Variants in UBE2B observed in about 807,000 individuals in gnomAD.
UBE2B encodes ubiquitin conjugating enzyme E2 B.
In UBE2B, 11 loss-of-function variants were observed where a neutral mutation model predicts 24.6. The observed-to-expected ratio is 0.45, with a 90% CI of 0.28 to 0.74. The LOEUF (loss-of-function observed/expected upper bound fraction) is 0.74, where lower values mean the gene tolerates loss of function less well. Among genes scored for constraint, UBE2B ranks in the 30% least tolerant of loss-of-function variants. The probability of loss-of-function intolerance (pLI) is 0.13; values close to 1 mark genes in which losing one functional copy is unlikely to be tolerated. For synonymous variants in UBE2B, 68 were observed against 62.4 expected (o/e 1.09, Z -0.42); for missense variants, 78 against 185.6 (o/e 0.42, Z 3.37).
chr5:134,376,297 G>C (rs1388389784), intron 2 of UBE2B, among the ~76,000 whole-genome samples: 1 of 95,474 alleles, frequency 1.0e-5, no homozygotes, highest in Non-Finnish European at 2.1e-5. Context: ...ACTCCAGCCT[G>C]GGGGACAAGA....
rs1440742124 is a variant in UBE2B, at chr5:134,390,953, A to G, written c.*600A>G. 1 of 154,660 alleles carries G rather than the reference A, an allele frequency of 6.5e-6. No homozygotes were observed. The highest frequency in any genetic ancestry group is 2.4e-5 in the African/African-American group (1 of 41,468). The allele number at this position is 154,660 out of a possible 1,614,324, so 9.6% of individuals were successfully genotyped here. A position where few individuals can be genotyped will look rare whatever the true frequency, so the allele number is the denominator to read the frequency against. On this transcript the variant is annotated 3_prime_UTR_variant, in exon 6 of 6. Coordinates refer to ENST00000265339, the MANE Select transcript of UBE2B (RefSeq NM_003337.4). This position sits in a 1 kb window ranked among gnomAD's most constrained non-coding sequence, Gnocchi z 4.6. ...TAATCTCCAACTTTATTTTGAATGT[A>G]CCTCTATTAGTTTCAATTGAGTAAT... is the stretch of plus-strand genomic sequence containing the variant.
chr5:134,385,847 A>C (rs570782490), intron 4 of UBE2B, among the ~76,000 whole-genome samples: 1 of 151,830 alleles, frequency 6.6e-6, no homozygotes, highest in African/African-American at 2.4e-5. Flanking sequence ...CCCCGTCTTT[A>C]CTAAAAATAT....
chr5:134,388,456 T>C (rs2149694053), intron 5 of UBE2B, 43 bp downstream of exon 5: 1 of 1,565,822 alleles, frequency 6.4e-7, no homozygotes, highest in East Asian at 2.2e-5. Flanking sequence ...CAGTATTCTG[T>C]AGGATATAGT....
intron 4 of UBE2B, among the ~76,000 whole-genome samples, chr5:134,385,833 G>GA (rs1758790925): frequency 6.6e-6 from 1 of 150,894 alleles, no homozygotes; most frequent in Admixed American, 6.6e-5. Context: ...CCAGCATAGT[G>GA]AAACCCCGTC....
chr5:134,389,580 C>T (rs192573551), intron 5 of UBE2B, among the ~76,000 whole-genome samples: 4 of 148,418 alleles, frequency 2.7e-5, no homozygotes, highest in Non-Finnish European at 4.4e-5. Context: ...CGGAATTTCA[C>T]CCTTGTTGCC....
At position 134,374,466 on chromosome 5, in the gene UBE2B, G is replaced by A. The variant is rs142210335; in HGVS notation, c.125+3G>A. The A allele has an allele frequency of 6.1e-5, 94 of 1,552,868 alleles. No individual in the cohort carries two copies. The African/African-American group carries it at 1.1e-3, about 18-fold the overall frequency. On this transcript the variant is annotated splice_donor_region_variant and intron_variant, in intron 2 of 5. Coordinates refer to ENST00000265339, the MANE Select transcript of UBE2B (RefSeq NM_003337.4). ...CAGTGGAATGCAGTTATATTTGGGT[G>A]AGTTGAAAGGTTTAACAAATAATAG...
chr5:134,381,876 G>C (rs1462851277), intron 4 of UBE2B, among the ~76,000 whole-genome samples: 1 of 152,146 alleles, frequency 6.6e-6, no homozygotes, highest in Non-Finnish European at 1.5e-5. Flanking sequence ...CCTGGGAGAC[G>C]GAGGTTGCAG....
chr5:134,384,408 TG>T (rs1184169134), intron 4 of UBE2B, among the ~76,000 whole-genome samples: 1 of 152,190 alleles, frequency 6.6e-6, no homozygotes, highest in Admixed American at 6.5e-5. Context: ...TTTCTCTTTT[TG>T]GGGAAGTTCC....
intron 4 of UBE2B, among the ~76,000 whole-genome samples, chr5:134,383,861 G>A (rs1005268714): frequency 1.3e-5 from 2 of 151,734 alleles, no homozygotes; most frequent in African/African-American, 4.8e-5. Context: ...TTAAACGTGG[G>A]GATTACTGGG....
chr5:134,376,060 C>T (rs1235181349), intron 2 of UBE2B, among the ~76,000 whole-genome samples: 1 of 150,754 alleles, frequency 6.6e-6, no homozygotes. Context: ...GGGCCAGGTG[C>T]GGTGGCTCAC....
intron 1 of UBE2B, 134 bp downstream of exon 1, chr5:134,371,773 G>A (rs1041255152): frequency 8.0e-6 from 11 of 1,380,292 alleles, no homozygotes; most frequent in African/African-American, 4.3e-5. Flanking sequence ...CGGAAGCCGG[G>A]TCCTAGCCTC....
intron 4 of UBE2B, among the ~76,000 whole-genome samples, chr5:134,383,473 C>CTATTTTTTTTTT (rs1554114519): frequency 1.0e-4 from 8 of 80,042 alleles, no homozygotes; most frequent in African/African-American, 3.8e-4. Flanking sequence ...CCATACCCAG[C>CTATTTTTTTTTT]TTTTTTTTTT....
In UBE2B at chr5:134,391,590, C is replaced by T. The variant is rs1435079490; in HGVS notation, c.*1237C>T. Reference sequence around the variant, plus strand: ...ATTTTAGTAACCCCAAGAGTTTCTTCTCATATCCATAAAATTGGATTACAG... The same window carrying T: ...ATTTTAGTAACCCCAAGAGTTTCTTTTCATATCCATAAAATTGGATTACAG... On this transcript the variant is annotated 3_prime_UTR_variant, in exon 6 of 6. Transcript: ENST00000265339. 6.6e-6 allele frequency: 1 copy of T among 152,590 alleles called. No individual in the cohort carries two copies. Among genetic ancestry groups the T allele is most frequent in the African/African-American group, 2.4e-5 (1 of 41,444 alleles). The allele number at this position is 152,590 out of a possible 1,614,324, so 9.5% of individuals were successfully genotyped here.
chr5:134,378,369 C>T (rs891913062), intron 3 of UBE2B, among the ~76,000 whole-genome samples: 2 of 152,054 alleles, frequency 1.3e-5, no homozygotes, highest in Non-Finnish European at 1.5e-5. Context: ...AAGTGATTCT[C>T]GTGCCTCAGC....
intron 1 of UBE2B, among the ~76,000 whole-genome samples, chr5:134,373,074 A>G (rs1758517890): frequency 6.6e-6 from 1 of 152,190 alleles, no homozygotes; most frequent in Admixed American, 6.5e-5. Flanking sequence ...TCTGCAGGTT[A>G]CAAGAATTTG....
intron 4 of UBE2B, among the ~76,000 whole-genome samples, chr5:134,382,963 A>G (rs1334360588): frequency 6.6e-6 from 1 of 151,922 alleles, no homozygotes; most frequent in East Asian, 1.9e-4. Flanking sequence ...TCAAGAGATC[A>G]AGACCATCCT....
rs1758891730 is a variant in UBE2B at position 134,391,178 on chromosome 5, A to G, written c.*825A>G. The G allele has an allele frequency of 6.6e-6, 1 of 152,612 alleles. No homozygotes were observed. Among genetic ancestry groups the G allele is most frequent in the African/African-American group, 2.4e-5 (1 of 41,460 alleles). The allele number at this position is 152,612 out of a possible 1,614,324, so 9.5% of individuals were successfully genotyped here. On this transcript the variant is annotated 3_prime_UTR_variant, in exon 6 of 6. Coordinates refer to ENST00000265339, the MANE Select transcript of UBE2B (RefSeq NM_003337.4). The stretch of plus-strand genomic sequence containing the variant: ...TTTTTTGATTAATGAAGAAAGTAAA[A>G]CCATAAACATTTGCCAAAAATTCAT...
rs1206903954 is a variant in UBE2B at position 134,392,070 on chromosome 5, G to C, written c.*1717G>C. ...TCACTGGAATCGTGGCTCCCAAAAA[G>C]ATGCTTTAATTGTGTGGTGCTTTTA... On this transcript the variant is annotated 3_prime_UTR_variant, in exon 6 of 6. Transcript: ENST00000265339. The C allele has an allele frequency of 6.6e-6, 1 of 152,192 alleles. No homozygotes were observed. Among genetic ancestry groups the C allele is most frequent in the Admixed American group, 6.5e-5 (1 of 15,272 alleles). The allele number at this position is 152,192 out of a possible 1,614,324, so 9.4% of individuals were successfully genotyped here. A position where few individuals can be genotyped will look rare whatever the true frequency, so the allele number is the denominator to read the frequency against.
At chr5:134,384,968 GA>G (rs1374728359) in intron 4 of UBE2B, among the ~76,000 whole-genome samples, 1 of 152,178 alleles carries the variant, frequency 6.6e-6, no homozygotes, top group Non-Finnish European at 1.5e-5. Flanking sequence ...CTTTGTGACT[GA>G]CTTCTGTCAC....
Sources: allele counts gnomAD v4.1 joint callset (sites outside exome capture counted in the v4.1 genomes callset), GRCh38; gene constraint gnomAD v4.1.1; non-coding constraint Gnocchi (gnomAD v3.1); transcripts MANE v1.5; gene names NCBI Gene and HGNC (gene_info 2026-07-23, HGNC 2026-07-21).